Variants in SREK1IP1 observed in about 807,000 individuals in gnomAD.
The protein encoded by SREK1IP1 is protein SREK1IP1.
A neutral mutation model predicts 22.8 loss-of-function variants in SREK1IP1; 12 were observed. The ratio of observed to expected loss-of-function variants is 0.53; its 90% CI spans 0.34 to 0.85. SREK1IP1 has a LOEUF of 0.85. SREK1IP1 is among the 40% of genes least tolerant of loss of function. The probability of loss-of-function intolerance (pLI) is 0.02; values close to 1 mark genes in which losing one functional copy is unlikely to be tolerated. For synonymous variants in SREK1IP1, 53 were observed against 52.7 expected, an observed-to-expected ratio of 1.01 and a Z score of -0.02; for missense variants, 147 against 171.8, an observed-to-expected ratio of 0.86 and a Z score of 0.81.
chr5:64,751,769 C>T (rs999586095), intron 2 of SREK1IP1, among the ~76,000 whole-genome samples: 11 of 152,116 alleles, frequency 7.2e-5, no homozygotes, highest in Non-Finnish European at 1.6e-4. Context: ...TTCTTGCCTA[C>T]CTTTGAAGAA....
At chr5:64,756,216 G>A (rs1178493006) in intron 1 of SREK1IP1, among the ~76,000 whole-genome samples, 3 of 152,140 alleles carry the variant, frequency 2.0e-5, no homozygotes, top group African/African-American at 7.2e-5. Context: ...CAATTTAGGT[G>A]TATTAAGTAC....
intron 1 of SREK1IP1, 33 bp downstream of exon 1, chr5:64,768,472 C>A: frequency 6.2e-7 from 1 of 1,614,116 alleles, no homozygotes; most frequent in Non-Finnish European, 8.5e-7. Flanking sequence ...CCCTTCGGAG[C>A]TCGGACGCAG....
chr5:64,764,553 T>C (rs1200013596), intron 1 of SREK1IP1, among the ~76,000 whole-genome samples: 2 of 152,172 alleles, frequency 1.3e-5, no homozygotes, highest in Admixed American at 6.5e-5. Context: ...TTGGTCATGC[T>C]TGGGAGTGTG....
chr5:64,764,250 T>C (rs1297663175), intron 1 of SREK1IP1, among the ~76,000 whole-genome samples: 1 of 152,192 alleles, frequency 6.6e-6, no homozygotes, highest in Admixed American at 6.5e-5. Flanking sequence ...GACACTATAC[T>C]AGTTTATCTA....
At chr5:64,737,735 A>G (rs1020852615) in intron 3 of SREK1IP1, among the ~76,000 whole-genome samples, 2 of 152,160 alleles carry the variant, frequency 1.3e-5, no homozygotes, top group African/African-American at 4.8e-5. Context: ...AAAAGAGAGT[A>G]TAAGTGATGT....
intron 2 of SREK1IP1, among the ~76,000 whole-genome samples, chr5:64,744,564 G>A (rs888126095): frequency 6.6e-6 from 1 of 152,052 alleles, no homozygotes; most frequent in Admixed American, 6.6e-5. Flanking sequence ...TTTATTATTC[G>A]TTGGGTAATA....
rs1327786262 is a variant in SREK1IP1, at chr5:64,722,129, G to C, written c.*2255C>G. The C allele has an allele frequency of 2.0e-5, 3 of 152,052 alleles. No homozygotes were observed. The highest frequency in any genetic ancestry group is 7.2e-5 in the African/African-American group (3 of 41,402). The allele number at this position is 152,052 out of a possible 1,614,324, so 9.4% of individuals were successfully genotyped here. ...ATCATATTAGAAGAAAATTACTTCA[G>C]TGAAAATAAATTTTTATTCAATTTC... On this transcript the variant is annotated 3_prime_UTR_variant, in exon 5 of 5. Transcript: ENST00000513458.
rs1181371990 is a variant in SREK1IP1 at position 64,722,930 on chromosome 5, G to A, written c.*1454C>T. The A allele has an allele frequency of 6.6e-6, 1 of 152,180 alleles. No homozygotes were observed. The highest frequency in any genetic ancestry group is 1.5e-5 in the Non-Finnish European group (1 of 68,026). The allele number at this position is 152,180 out of a possible 1,614,324, so 9.4% of individuals were successfully genotyped here. ...TCAGTAAACCTTTCTAGCCTGTGAG[G>A]TTAAGTATACTTAGCTGATTTCACT... On this transcript the variant is annotated 3_prime_UTR_variant, in exon 5 of 5. Coordinates refer to ENST00000513458, the MANE Select transcript of SREK1IP1 (RefSeq NM_173829.4).
In SREK1IP1 at chr5:64,755,808, C is replaced by T. The variant is rs143827936; in HGVS notation, c.14-1446G>A. 2.3e-3 allele frequency among the ~76,000 whole-genome samples: 355 copies of T among 151,744 alleles called. 1 individual carries two copies. Among genetic ancestry groups the T allele is most frequent in the African/African-American group, 7.5e-3 (310 of 41,398 alleles). ...GGAAGAAATTCCAGGGTACTCTGGC[C>T]TGTCCCTCAAATGTAAAATAATTTA... On this transcript the variant is annotated intron_variant, in intron 1 of 4. Transcript: ENST00000513458.
At chr5:64,767,004 C>T (rs1172709972) in intron 1 of SREK1IP1, among the ~76,000 whole-genome samples, 7 of 152,212 alleles carry the variant, frequency 4.6e-5, no homozygotes, top group African/African-American at 1.7e-4. Flanking sequence ...TTCATTCTGA[C>T]ATATTTGACA....
At chr5:64,735,776 T>C (rs1294101263) in intron 3 of SREK1IP1, among the ~76,000 whole-genome samples, 1 of 152,150 alleles carries the variant, frequency 6.6e-6, no homozygotes, top group African/African-American at 2.4e-5. Flanking sequence ...TTAGTTTGGA[T>C]AGTGATTTTT....
intron 2 of SREK1IP1, among the ~76,000 whole-genome samples, chr5:64,746,870 C>T (rs1471499662): frequency 6.6e-6 from 1 of 152,238 alleles, no homozygotes; most frequent in Non-Finnish European, 1.5e-5. Flanking sequence ...GCCACCCATA[C>T]TTCTGACCAG....
rs1032510483 is a variant in SREK1IP1 at position 64,722,187 on chromosome 5, T to G, written c.*2197A>C. On this transcript the variant is annotated 3_prime_UTR_variant, in exon 5 of 5. Coordinates refer to ENST00000513458, the MANE Select transcript of SREK1IP1 (RefSeq NM_173829.4). The stretch of plus-strand genomic sequence containing the variant: ...ATGCTAAAATTATGGGAAATTTACT[T>G]AGAAATGCCAACATCATTTCTGGGG... The G allele has an allele frequency of 2.0e-5, 3 of 152,186 alleles. No homozygotes were observed. The highest frequency in any genetic ancestry group is 4.4e-5 in the Non-Finnish European group (3 of 68,028). 9.4% of individuals were successfully genotyped at this position (152,186 alleles called of 1,614,324 possible).
At chr5:64,734,734 CAATTG>C (rs1742431064) in intron 3 of SREK1IP1, among the ~76,000 whole-genome samples, 1 of 151,944 alleles carries the variant, frequency 6.6e-6, no homozygotes, top group South Asian at 2.1e-4. Context: ...TACAGAAATA[CAATTG>C]ATTTCTGCTA....
At chr5:64,731,521 C>CAAAAAAAAAAAA (rs10599290) in intron 3 of SREK1IP1, among the ~76,000 whole-genome samples, 7 of 74,632 alleles carry the variant, frequency 9.4e-5, no homozygotes, top group East Asian at 8.6e-4. Context: ...GCCCTTGTCT[C>CAAAAAAAAAAAA]AAAAAAAAAA....
At chr5:64,757,778 A>T (rs933330614) in intron 1 of SREK1IP1, among the ~76,000 whole-genome samples, 2 of 151,650 alleles carry the variant, frequency 1.3e-5, no homozygotes, top group African/African-American at 4.8e-5. Flanking sequence ...AAGAGGTAAA[A>T]TGTCATACTT....
At chr5:64,726,623 T>C (rs1478808545) in intron 4 of SREK1IP1, among the ~76,000 whole-genome samples, 1 of 150,898 alleles carries the variant, frequency 6.6e-6, no homozygotes, top group Non-Finnish European at 1.5e-5. Flanking sequence ...CAACTTATGA[T>C]GGAGTTACGC....
intron 2 of SREK1IP1, among the ~76,000 whole-genome samples, chr5:64,747,720 A>C (rs1239979997): frequency 6.6e-6 from 1 of 151,912 alleles, no homozygotes; most frequent in Non-Finnish European, 1.5e-5. Context: ...CGAGGTCAGG[A>C]GATTGAGACC....
intron 3 of SREK1IP1, among the ~76,000 whole-genome samples, chr5:64,735,358 C>G (rs1444963898): frequency 6.6e-6 from 1 of 151,848 alleles, no homozygotes; most frequent in African/African-American, 2.4e-5. Flanking sequence ...ATATCTTAAT[C>G]TGGTTTTGTT....
Sources: allele counts gnomAD v4.1 joint callset (sites outside exome capture counted in the v4.1 genomes callset), GRCh38; gene constraint gnomAD v4.1.1; transcripts MANE v1.5; gene names NCBI Gene and HGNC (gene_info 2026-07-23, HGNC 2026-07-21).